Variants in KIRREL3 observed in about 807,000 individuals in gnomAD.
KIRREL3 encodes kin of IRRE-like protein 3.
Under a neutral mutation model 89.7 loss-of-function variants are expected in KIRREL3, and 36 were observed. The ratio of observed to expected loss-of-function variants is 0.40; its 90% CI spans 0.31 to 0.53. The LOEUF (loss-of-function observed/expected upper bound fraction) is 0.53. KIRREL3 is among the 20% of genes least tolerant of loss of function. The probability of loss-of-function intolerance (pLI) is 0.49; values close to 1 mark genes in which losing one functional copy is unlikely to be tolerated. For synonymous variants in KIRREL3, 445 were observed against 441.4 expected (o/e 1.01, Z -0.10); for missense variants, 864 against 1,056.6 (o/e 0.82, Z 2.53).
At position 126,755,362 on chromosome 11, in the gene KIRREL3, C is replaced by G. The variant is rs926581608; in HGVS notation, c.56-192450G>C. The stretch of plus-strand genomic sequence containing the variant: ...CATGAAGTCCTGAAGTGCAGGTAAT[C>G]GTGTTTAAAAAGATAGGGAACATGA... On this transcript the variant is annotated intron_variant, in intron 1 of 16. Coordinates refer to ENST00000525144, the MANE Select transcript of KIRREL3 (RefSeq NM_032531.4). The surrounding 1 kb of genome is among the most constrained non-coding windows in gnomAD (Gnocchi z 4.3). Among the ~76,000 whole-genome samples, 1 of 151,968 alleles carries G rather than the reference C, an allele frequency of 6.6e-6. No individual in the cohort carries two copies. The highest frequency in any genetic ancestry group is 6.6e-5 in the Admixed American group (1 of 15,244).
rs1376337693 is a variant in KIRREL3, at chr11:126,521,351, C to T, written c.397G>A (p.Ala133Thr). The T allele has an allele frequency of 1.4e-5, 22 of 1,553,294 alleles. No individual in the cohort carries two copies. Among genetic ancestry groups the T allele is most frequent in the African/African-American group, 2.7e-5 (2 of 73,154 alleles). Residue 133 changes from alanine (A) to threonine (T), a missense_variant, in exon 4 of 17, where the codon GCC becomes ACC. By Grantham distance (58) the Ala-to-Thr change is moderately conservative. Transcript: ENST00000525144. The surrounding 1 kb of genome is among the most constrained non-coding windows in gnomAD (Gnocchi z 4.1). Reference sequence around the variant, plus strand: ...AGGCGTGCGGGGCGGGAGCGGATGGCGGCCTGGATGGCCTGGCACTCGTAC... The same window carrying T: ...AGGCGTGCGGGGCGGGAGCGGATGGTGGCCTGGATGGCCTGGCACTCGTAC... ...AVYECQAIQA[A>T]IRSRPARLTV...
Position 126,561,311 on chromosome 11 carries a change from G to A in KIRREL3, c.133+1524C>T, listed in dbSNP as rs976203137. Among the ~76,000 whole-genome samples the A allele has an allele frequency of 2.0e-5, 3 of 152,174 alleles. No individual in the cohort carries two copies. Among genetic ancestry groups the A allele is most frequent in the African/African-American group, 7.2e-5 (3 of 41,442 alleles). On this transcript the variant is annotated intron_variant, in intron 2 of 16. Transcript: ENST00000525144. This position sits in a 1 kb window ranked among gnomAD's most constrained non-coding sequence, Gnocchi z 4.5. ...CTCATCACACATGTTGGCTCAGCTTGCATCCCATCCCCTCATCTCCTCAGC... is the reference window on the plus strand; with the variant it reads ...CTCATCACACATGTTGGCTCAGCTTACATCCCATCCCCTCATCTCCTCAGC...
intron 1 of KIRREL3, among the ~76,000 whole-genome samples, chr11:126,787,844 G>A (rs1950527157): frequency 6.6e-6 from 1 of 152,200 alleles, no homozygotes; most frequent in Admixed American, 6.5e-5. Flanking sequence ...TCTAACAATG[G>A]AAGCAGGTCT....
chr11:126,692,558 A>AC (rs1946919682), intron 1 of KIRREL3, among the ~76,000 whole-genome samples: 1 of 149,530 alleles, frequency 6.7e-6, no homozygotes, highest in African/African-American at 2.5e-5. Flanking sequence ...AAAAAAAAAA[A>AC]AAAAAAAAAA....
intron 1 of KIRREL3, among the ~76,000 whole-genome samples, chr11:126,821,351 A>ATATATATATATATATATGTATATGTG (rs756545626): frequency 9.5e-6 from 1 of 105,232 alleles, no homozygotes; most frequent in South Asian, 3.4e-4. Context: ...ATATATATAT[A>ATATATATATATATATATGTATATGTG]TGTAACTTCC....
chr11:126,925,126 G>A (rs899715924), intron 1 of KIRREL3, among the ~76,000 whole-genome samples: 1 of 145,514 alleles, frequency 6.9e-6, no homozygotes, highest in Non-Finnish European at 1.5e-5. Context: ...TTGGTCACAG[G>A]ATTGTGCAAA....
At chr11:126,738,300 C>T (rs937247561) in intron 1 of KIRREL3, among the ~76,000 whole-genome samples, 6 of 152,104 alleles carry the variant, frequency 3.9e-5, no homozygotes, top group Admixed American at 3.9e-4. Context: ...CCTGTCTTGC[C>T]TTATCTGGTC....
intron 1 of KIRREL3, among the ~76,000 whole-genome samples, chr11:126,701,229 G>T (rs1947301308): frequency 6.6e-6 from 1 of 152,220 alleles, no homozygotes. Flanking sequence ...GTGTGCATGT[G>T]TGTGACACCC....
rs1949368837 is a variant in KIRREL3 at position 126,969,433 on chromosome 11, CACTGAGGAGGTG to C, written c.55+31010_55+31021del. Among the ~76,000 whole-genome samples the C allele has an allele frequency of 6.6e-6, 1 of 152,086 alleles. No individual in the cohort carries two copies. Among genetic ancestry groups the C allele is most frequent in the Non-Finnish European group, 1.5e-5 (1 of 68,028 alleles). ...GGGAACTCAGAGGAGGGAAAAAAGC[CACTGAGGAGGTG>C]ACACCCAGCGGTATCTGGAAGAATG... On this transcript the variant is annotated intron_variant, in intron 1 of 16. Transcript: ENST00000525144. This position sits in a 1 kb window ranked among gnomAD's most constrained non-coding sequence, Gnocchi z 4.9.
rs1940926342 is a variant in KIRREL3, at chr11:126,571,469, C to T, written c.56-8557G>A. On this transcript the variant is annotated intron_variant, in intron 1 of 16. Coordinates refer to ENST00000525144, the MANE Select transcript of KIRREL3 (RefSeq NM_032531.4). The surrounding 1 kb of genome is among the most constrained non-coding windows in gnomAD (Gnocchi z 7.7). The stretch of plus-strand genomic sequence containing the variant: ...GGCCAGCATCACCAAGTGTCTGCCA[C>T]CTGGGACCAGGCTCATGTAGTTCAC... Among the ~76,000 whole-genome samples the T allele has an allele frequency of 6.6e-6, 1 of 152,234 alleles. No homozygotes were observed. Among genetic ancestry groups the T allele is most frequent in the East Asian group, 1.9e-4 (1 of 5,200 alleles).
At chr11:126,915,860 G>A (rs1028861371) in intron 1 of KIRREL3, among the ~76,000 whole-genome samples, 1 of 152,026 alleles carries the variant, frequency 6.6e-6, no homozygotes, top group African/African-American at 2.4e-5. Context: ...ACCTAGTCTT[G>A]AAATGGGTCA....
intron 1 of KIRREL3, among the ~76,000 whole-genome samples, chr11:126,599,303 A>C (rs968688700): frequency 6.6e-6 from 1 of 152,036 alleles, no homozygotes; most frequent in African/African-American, 2.4e-5. Context: ...TCTCAGCCGC[A>C]TTGTCCCTGC....
chr11:126,941,200 T>C (rs1298497332), intron 1 of KIRREL3, among the ~76,000 whole-genome samples: 1 of 152,108 alleles, frequency 6.6e-6, no homozygotes, highest in Non-Finnish European at 1.5e-5. Flanking sequence ...TGTCTCTCAG[T>C]GTTAGACTCA....
intron 1 of KIRREL3, among the ~76,000 whole-genome samples, chr11:126,690,362 G>GT (rs397798500): frequency 4.0e-5 from 6 of 149,606 alleles, no homozygotes; most frequent in African/African-American, 7.3e-5. Context: ...CTAAGCAGGG[G>GT]TTTTTTTTTT....
At chr11:126,863,195 T>C (rs185379682) in intron 1 of KIRREL3, among the ~76,000 whole-genome samples, 52 of 152,366 alleles carry the variant, frequency 3.4e-4, no homozygotes, top group African/African-American at 1.1e-3. Context: ...GCTGCTGGCT[T>C]GGAACGTGCT....
rs1945681915 is a variant in KIRREL3, at chr11:126,666,741, A to G, written c.56-103829T>C. Among the ~76,000 whole-genome samples, 1 of 152,006 alleles carries G rather than the reference A, an allele frequency of 6.6e-6. No homozygotes were observed. The highest frequency in any genetic ancestry group is 2.4e-5 in the African/African-American group (1 of 41,372). ...TTTTGCTTTTCCCATTTTTATTTGT[A>G]TTGACTAGGAGGTCTTTCACCAGAA... On this transcript the variant is annotated intron_variant, in intron 1 of 16. Coordinates refer to ENST00000525144, the MANE Select transcript of KIRREL3 (RefSeq NM_032531.4). The surrounding 1 kb of genome is among the most constrained non-coding windows in gnomAD (Gnocchi z 4.2).
At chr11:126,625,425 C>G (rs1168918917) in intron 1 of KIRREL3, among the ~76,000 whole-genome samples, 2 of 152,182 alleles carry the variant, frequency 1.3e-5, no homozygotes. Context: ...TATTCCCAAA[C>G]AAATCTCATT....
chr11:126,874,807 G>A (rs1022651076), intron 1 of KIRREL3, among the ~76,000 whole-genome samples: 5 of 152,154 alleles, frequency 3.3e-5, no homozygotes, highest in Non-Finnish European at 7.3e-5. Context: ...GCCCCCAGAG[G>A]CTCATGAAAC....
chr11:126,435,276 A>G lies in KIRREL3; in HGVS notation c.1580T>C (p.Leu527Pro). ...ATCATCTCCTTCCGTACCTGCTTCC[A>G]GCCCGGCTCCCGACTTCATTTCCGA... ...QGSEMKSGAG[L>P]EAESVPMAVI... The change falls in exon 13 of 17, where the codon CTG becomes CCG. Residue 527 changes from leucine (L) to proline (P), a missense_variant. Leu to Pro is a moderately conservative substitution (Grantham distance 98). Transcript: ENST00000525144. The G allele has an allele frequency of 6.2e-7, 1 of 1,612,604 alleles. No homozygotes were observed. The highest frequency in any genetic ancestry group is 8.5e-7 in the Non-Finnish European group (1 of 1,179,198).
Sources: allele counts gnomAD v4.1 joint callset (sites outside exome capture counted in the v4.1 genomes callset), GRCh38; gene constraint gnomAD v4.1.1; non-coding constraint Gnocchi (gnomAD v3.1); transcripts MANE v1.5; gene names NCBI Gene and HGNC (gene_info 2026-07-23, HGNC 2026-07-21).